Variants in RBFOX1 observed in about 807,000 individuals in gnomAD.
RBFOX1 encodes RNA binding fox-1 homolog 1.
RBFOX1 carries 8 observed loss-of-function variants against 57.7 expected under a neutral mutation model. The ratio of observed to expected loss-of-function variants is 0.14; its 90% CI spans 0.08 to 0.25. RBFOX1 has a LOEUF of 0.25. Ranked by LOEUF, RBFOX1 falls within the 10% of genes least tolerant of loss-of-function variation. The pLI is 1.00. For synonymous variants in RBFOX1, 326 were observed against 222.4 expected (o/e 1.47, Z -4.15); for missense variants, 611 against 548.5 (o/e 1.11, Z -1.14).
chr16:7,267,302 A>C (rs532742464), intron 4 of RBFOX1, among the ~76,000 whole-genome samples: 5 of 152,118 alleles, frequency 3.3e-5, no homozygotes, highest in Non-Finnish European at 5.9e-5. Flanking sequence ...TCGGAGGCCA[A>C]AGGGGGCGGA....
At chr16:7,276,337 G>C (rs968692360) in intron 4 of RBFOX1, among the ~76,000 whole-genome samples, 12 of 152,132 alleles carry the variant, frequency 7.9e-5, no homozygotes, top group African/African-American at 2.7e-4. Flanking sequence ...AGTCTGTTTG[G>C]AGGCAGCTAG....
intron 1 of RBFOX1, among the ~76,000 whole-genome samples, chr16:5,377,377 C>G (rs373304638): frequency 3.3e-5 from 5 of 151,038 alleles, no homozygotes; most frequent in African/African-American, 2.5e-5. Flanking sequence ...AGCAGAGACT[C>G]GAGGGATGAG....
At chr16:7,221,666 G>T (rs989943552) in intron 4 of RBFOX1, among the ~76,000 whole-genome samples, 1 of 152,088 alleles carries the variant, frequency 6.6e-6, no homozygotes, top group African/African-American at 2.4e-5. Flanking sequence ...TGCACCTGCC[G>T]TTGACTTATT....
At chr16:5,783,067 T>C (rs10852665) in intron 3 of RBFOX1, among the ~76,000 whole-genome samples, 43,701 of 152,110 alleles carry the variant, frequency 0.29, 6,708 homozygotes, top group East Asian at 0.55. Flanking sequence ...TCACCAAATA[T>C]CTTAGCATTC....
intron 3 of RBFOX1, among the ~76,000 whole-genome samples, chr16:6,996,190 C>T (rs1056187324): frequency 1.3e-5 from 2 of 152,136 alleles, no homozygotes; most frequent in Admixed American, 6.6e-5. Flanking sequence ...TAAATCATTG[C>T]CTTTTTGATT....
intron 2 of RBFOX1, among the ~76,000 whole-genome samples, chr16:6,454,005 G>T (rs1288439007): frequency 6.6e-6 from 1 of 152,180 alleles, no homozygotes; most frequent in Non-Finnish European, 1.5e-5. Context: ...AGGCTTTCCT[G>T]CTTGGTTGGT....
chr16:5,993,036 G>C (rs1204149770), intron 4 of RBFOX1, among the ~76,000 whole-genome samples: 3 of 152,154 alleles, frequency 2.0e-5, no homozygotes, highest in African/African-American at 7.2e-5. Context: ...CCCTGGGCTT[G>C]AGCCTGATCT....
At chr16:6,509,163 G>C (rs2096191361) in intron 2 of RBFOX1, among the ~76,000 whole-genome samples, 1 of 152,152 alleles carries the variant, frequency 6.6e-6, no homozygotes, top group African/African-American at 2.4e-5. Context: ...AATGCAGAGA[G>C]GATCTTCCAG....
At chr16:5,530,160 G>A (rs140412634) in intron 2 of RBFOX1, among the ~76,000 whole-genome samples, 28 of 152,248 alleles carry the variant, frequency 1.8e-4, no homozygotes, top group African/African-American at 6.7e-4. Flanking sequence ...GAGCCTGAGA[G>A]CTCTGATTCT....
intron 4 of RBFOX1, among the ~76,000 whole-genome samples, chr16:7,475,887 G>C (rs4787026): frequency 0.99 from 151,147 of 152,354 alleles, 74,996 homozygotes; most frequent in East Asian, 1. Context: ...GTCCCAGGAA[G>C]TGGGGTAAGA....
chr16:6,052,783 C>G (rs1179848619), intron 1 of RBFOX1, among the ~76,000 whole-genome samples: 3 of 129,968 alleles, frequency 2.3e-5, no homozygotes, highest in Non-Finnish European at 4.9e-5. Context: ...GACTCCGTCT[C>G]AAAAAATAAA....
Position 6,823,978 on chromosome 16 carries a change from G to T in RBFOX1, c.-16+169328G>T, listed in dbSNP as rs377385398. Reference sequence around the variant, plus strand: ...GTGGCATCTGGTCCAAATCTTGAAGGATGGGTATGAGCTGGCCCCATGAAT... The same window carrying T: ...GTGGCATCTGGTCCAAATCTTGAAGTATGGGTATGAGCTGGCCCCATGAAT... On this transcript the variant is annotated intron_variant, in intron 3 of 15. Transcript: ENST00000550418. 2.6e-5 allele frequency among the ~76,000 whole-genome samples: 4 copies of T among 152,338 alleles called. No individual in the cohort carries two copies. The South Asian group carries it at 8.3e-4, about 32-fold the overall frequency.
Position 5,465,866 on chromosome 16 carries a change from A to G in RBFOX1, c.220-1350A>G, listed in dbSNP as rs557946268. On this transcript the variant is annotated intron_variant, in intron 1 of 2. Coordinates refer to the RBFOX1 transcript ENST00000585867. ...ATGTGGCTTTCTCCAGAATGGCCAG[A>G]TATGTTGTGCCTGAGACCTTGGGCA... 2.6e-5 allele frequency among the ~76,000 whole-genome samples: 4 copies of G among 152,258 alleles called. No homozygotes were observed. In the South Asian group the frequency reaches 8.3e-4, roughly 32 times the overall value.
intron 2 of RBFOX1, among the ~76,000 whole-genome samples, chr16:6,382,092 G>T (rs979505212): frequency 5.3e-5 from 8 of 152,184 alleles, no homozygotes; most frequent in African/African-American, 1.7e-4. Flanking sequence ...GATGGGTGTG[G>T]CTGTGTTCCA....
chr16:6,811,166 A>G (rs1313222055), intron 3 of RBFOX1, among the ~76,000 whole-genome samples: 1 of 152,224 alleles, frequency 6.6e-6, no homozygotes, highest in Non-Finnish European at 1.5e-5. Context: ...AGGAAGAATT[A>G]AGTGATATGA....
chr16:5,583,696 A>C (rs2046746044), intron 2 of RBFOX1, among the ~76,000 whole-genome samples: 1 of 152,198 alleles, frequency 6.6e-6, no homozygotes, highest in Non-Finnish European at 1.5e-5. Context: ...GATAAGAGCT[A>C]AGATTTATTG....
intron 4 of RBFOX1, among the ~76,000 whole-genome samples, chr16:5,984,976 A>ATATATATATATTTTT (rs1359064334): frequency 1.8e-5 from 1 of 55,714 alleles, no homozygotes; most frequent in South Asian, 7.7e-4. Context: ...ATATATATAT[A>ATATATATATATTTTT]TTTTTTTTTT....
chr16:7,531,037 CT>C (rs1472990867), intron 5 of RBFOX1, among the ~76,000 whole-genome samples: 2 of 152,164 alleles, frequency 1.3e-5, no homozygotes, highest in Non-Finnish European at 2.9e-5. Flanking sequence ...GGTTTTCAGC[CT>C]GTACCACTCA....
At chr16:6,720,735 A>G (rs1466078471) in intron 3 of RBFOX1, among the ~76,000 whole-genome samples, 1 of 152,188 alleles carries the variant, frequency 6.6e-6, no homozygotes, top group East Asian at 1.9e-4. Flanking sequence ...ATGATTGGAA[A>G]CATGAGCTTC....
Sources: gnomAD v4.1 joint callset for allele counts (sites outside exome capture counted in the v4.1 genomes callset) on GRCh38, gnomAD v4.1.1 for gene constraint, MANE v1.5 for transcripts, NCBI Gene and HGNC (gene_info 2026-07-23, HGNC 2026-07-21) for gene names.